SCFD2: variants seen among roughly 807,000 people sequenced by gnomAD.
SCFD2 encodes the protein sec1 family domain containing 2, also known as sec1 family domain-containing protein 2.
SCFD2 carries 54 observed loss-of-function variants against 58.9 expected under a neutral mutation model. The observed-to-expected ratio is 0.92, with a 90% CI of 0.74 to 1.15. SCFD2 has a LOEUF of 1.15. Ranked by LOEUF, SCFD2 falls within the 50% of genes most tolerant of loss-of-function variation. The probability of loss-of-function intolerance (pLI) is 0.00; values close to 1 mark genes in which losing one functional copy is unlikely to be tolerated. For synonymous variants in SCFD2, 321 were observed against 335.9 expected (o/e 0.96, Z 0.49); for missense variants, 805 against 836.6 (o/e 0.96, Z 0.47).
chr4:53,071,063 T>C (rs1454101176), intron 5 of SCFD2, among the ~76,000 whole-genome samples: 1 of 152,118 alleles, frequency 6.6e-6, no homozygotes, highest in Non-Finnish European at 1.5e-5. Context: ...GTCAGTAGCA[T>C]GGCCTTCTTT....
chr4:52,888,064 C>T (rs1279093549), intron 7 of SCFD2, among the ~76,000 whole-genome samples: 1 of 151,614 alleles, frequency 6.6e-6, no homozygotes, highest in South Asian at 2.1e-4. Context: ...GCGCCCGCCA[C>T]CGCGCCCGGC....
chr4:53,195,481 G>A (rs190361993), intron 4 of SCFD2, among the ~76,000 whole-genome samples: 2 of 152,220 alleles, frequency 1.3e-5, no homozygotes, highest in East Asian at 3.9e-4. Flanking sequence ...CTTCTGGTCT[G>A]GGCTCACTGA....
At chr4:53,046,876 T>TG (rs1235974296) in intron 5 of SCFD2, among the ~76,000 whole-genome samples, 4 of 152,170 alleles carry the variant, frequency 2.6e-5, no homozygotes, top group Non-Finnish European at 5.9e-5. Flanking sequence ...TTTGCCATAT[T>TG]GGCCAGCGTG....
rs184375202 is a variant in SCFD2, at chr4:53,308,678, A to G, written c.1135+4958T>C. On this transcript the variant is annotated intron_variant, in intron 3 of 8. Coordinates refer to ENST00000401642, the MANE Select transcript of SCFD2 (RefSeq NM_152540.4). The stretch of plus-strand genomic sequence containing the variant: ...AAAAACAGGAAGTAGAACACTCTCA[A>G]TGCTGTTTTTAAAAAACACGTATCA... Among the ~76,000 whole-genome samples the G allele has an allele frequency of 1.3e-3, 195 of 152,348 alleles. 1 individual carries two copies. The highest frequency in any genetic ancestry group is 3.4e-3 in the Middle Eastern group (1 of 294).
At chr4:53,263,421 T>G (rs1000032656) in intron 4 of SCFD2, among the ~76,000 whole-genome samples, 3 of 152,188 alleles carry the variant, frequency 2.0e-5, no homozygotes, top group African/African-American at 7.2e-5. Flanking sequence ...CTGTTCAGAT[T>G]ATTTCGTCTC....
Position 53,365,076 on chromosome 4 carries a change from A to G in SCFD2, c.838+28T>C. 2 of 1,595,176 alleles carry G rather than the reference A, an allele frequency of 1.3e-6. No homozygotes were observed. The highest frequency in any genetic ancestry group is 1.7e-6 in the Non-Finnish European group (2 of 1,171,806). On this transcript the variant is annotated intron_variant, in intron 1 of 8. Transcript: ENST00000401642. The surrounding 1 kb of genome is among the most constrained non-coding windows in gnomAD (Gnocchi z 4.3). ...AGTCCCAGCAATGTGGGGAATGGTA[A>G]TGAAGAACTCCAGAGCAATGCACTT...
At chr4:53,098,436 T>C (rs1365799472) in intron 5 of SCFD2, among the ~76,000 whole-genome samples, 2 of 152,220 alleles carry the variant, frequency 1.3e-5, no homozygotes, top group Non-Finnish European at 2.9e-5. Context: ...CTTTGTGGTT[T>C]AGTCTTGGAG....
chr4:52,894,878 T>G (rs1718963087), intron 7 of SCFD2, among the ~76,000 whole-genome samples: 1 of 152,224 alleles, frequency 6.6e-6, no homozygotes, highest in Non-Finnish European at 1.5e-5. Flanking sequence ...AGAGGAAAGT[T>G]CCCTAGCTCA....
At chr4:52,931,500 T>C (rs1719993225) in intron 5 of SCFD2, among the ~76,000 whole-genome samples, 7 of 152,224 alleles carry the variant, frequency 4.6e-5, no homozygotes, top group Admixed American at 4.6e-4. Flanking sequence ...ATTTGCTTAC[T>C]TCTTGTTTCC....
At chr4:53,254,887 T>G (rs909486358) in intron 4 of SCFD2, among the ~76,000 whole-genome samples, 1 of 149,088 alleles carries the variant, frequency 6.7e-6, no homozygotes. Flanking sequence ...TTATTTTATT[T>G]TTTGAGATGG....
In SCFD2 at chr4:52,922,199, T is replaced by G. The variant is rs189407555; in HGVS notation, c.1562-1329A>C. ...TTTTAGTAACGGCTTTGTTGAGATA[T>G]AATTCATATACTATATGGTTACCCA... On this transcript the variant is annotated intron_variant, in intron 5 of 8. Transcript: ENST00000401642. Among the ~76,000 whole-genome samples the G allele has an allele frequency of 1.3e-5, 2 of 152,352 alleles. 1 individual carries two copies. Among genetic ancestry groups the G allele is most frequent in the African/African-American group, 4.8e-5 (2 of 41,590 alleles).
At chr4:53,054,217 A>T (rs932938296) in intron 5 of SCFD2, among the ~76,000 whole-genome samples, 2 of 152,202 alleles carry the variant, frequency 1.3e-5, no homozygotes, top group Non-Finnish European at 2.9e-5. Context: ...TATTTCACTT[A>T]GTAACCTGCA....
intron 3 of SCFD2, among the ~76,000 whole-genome samples, chr4:53,283,081 T>C (rs1731554620): frequency 6.6e-6 from 1 of 152,084 alleles, no homozygotes. Flanking sequence ...TTCAAATAAT[T>C]TTTACGTATG....
chr4:53,197,958 T>G (rs1451013301), intron 4 of SCFD2, among the ~76,000 whole-genome samples: 1 of 152,088 alleles, frequency 6.6e-6, no homozygotes, highest in Non-Finnish European at 1.5e-5. Flanking sequence ...GGCTCTTGGC[T>G]GGCCTGCTAG....
rs780100846 is a variant in SCFD2 at position 53,365,552 on chromosome 4, C to T, written c.390G>A (p.Gln130=). 6.2e-7 allele frequency: 1 copy of T among 1,614,132 alleles called. No homozygotes were observed. The highest frequency in any genetic ancestry group is 2.2e-5 in the East Asian group (1 of 44,894). The part of the protein sequence containing the change: ...AAAAAEMEGQ[Q]PVFEQLEEKL... ...TCTCCTCCAGCTGCTCGAACACCGGCTGCTGCCCCTCCATCTCGGCCGCTG... is the reference window on the plus strand; with the variant it reads ...TCTCCTCCAGCTGCTCGAACACCGGTTGCTGCCCCTCCATCTCGGCCGCTG... Residue 130 remains glutamine, a synonymous_variant, in exon 1 of 9, where the codon CAG becomes CAA. Transcript: ENST00000401642. This position sits in a 1 kb window ranked among gnomAD's most constrained non-coding sequence, Gnocchi z 4.3.
Position 53,365,316 on chromosome 4 carries a change from G to A in SCFD2, c.626C>T (p.Thr209Ile). 6.2e-7 allele frequency: 1 copy of A among 1,614,194 alleles called. No homozygotes were observed. Among genetic ancestry groups the A allele is most frequent in the South Asian group, 1.1e-5 (1 of 91,086 alleles). ...SLGDVDSTTLTPELLLQIRCL... is the reference protein window; with the variant it reads ...SLGDVDSTTLIPELLLQIRCL... ...TCTGATCTGCAGCAGCAGCTCTGGGGTTAGCGTAGTGGAGTCCACATCACC... is the reference window on the plus strand; with the variant it reads ...TCTGATCTGCAGCAGCAGCTCTGGGATTAGCGTAGTGGAGTCCACATCACC... Residue 209 changes from threonine to isoleucine, a missense_variant, in exon 1 of 9, where the codon ACC becomes ATC. Transcript: ENST00000401642. The surrounding 1 kb of genome is among the most constrained non-coding windows in gnomAD (Gnocchi z 4.3).
chr4:53,252,404 C>T (rs1487681979), intron 4 of SCFD2, among the ~76,000 whole-genome samples: 1 of 151,194 alleles, frequency 6.6e-6, no homozygotes. Flanking sequence ...CATATGGAAC[C>T]AAAAAAGAGC....
rs187838110 is a variant in SCFD2, at chr4:53,361,805, G to A, written c.838+3299C>T. Among the ~76,000 whole-genome samples, 693 of 152,232 alleles carry A rather than the reference G, an allele frequency of 4.6e-3. 5 individuals are homozygous for A. Among genetic ancestry groups the A allele is most frequent in the African/African-American group, 0.014 (599 of 41,504 alleles). ...AATCTTAGACTATTCAGTGTGCATC[G>A]TTTTTTCTGCATTTGTGTATTACTA... On this transcript the variant is annotated intron_variant, in intron 1 of 8. Coordinates refer to ENST00000401642, the MANE Select transcript of SCFD2 (RefSeq NM_152540.4).
chr4:53,248,177 A>T (rs1332761668), intron 4 of SCFD2, among the ~76,000 whole-genome samples: 3 of 152,194 alleles, frequency 2.0e-5, no homozygotes, highest in Non-Finnish European at 4.4e-5. Flanking sequence ...GCACCTTGAA[A>T]ATCGGGCCAC....
Sources: allele counts gnomAD v4.1 joint callset (sites outside exome capture counted in the v4.1 genomes callset), GRCh38; gene constraint gnomAD v4.1.1; non-coding constraint Gnocchi (gnomAD v3.1); transcripts MANE v1.5; gene names NCBI Gene and HGNC (gene_info 2026-07-23, HGNC 2026-07-21).